The following ATP7A variants were observed in gnomAD, a reference collection of about 807,000 sequenced individuals.
The protein encoded by ATP7A is ATPase copper transporting alpha.
Under a neutral mutation model 83.5 loss-of-function variants are expected in ATP7A, and 7 were observed. The ratio of observed to expected loss-of-function variants is 0.08; its 90% CI spans 0.05 to 0.16. The LOEUF (loss-of-function observed/expected upper bound fraction) is 0.16, where lower values mean the gene tolerates loss of function less well. Among genes scored for constraint, ATP7A ranks in the 10% least tolerant of loss-of-function variants. The pLI, the probability that ATP7A is intolerant of heterozygous loss-of-function variation, is 1.00. For synonymous variants in ATP7A, 354 were observed against 395.2 expected (o/e 0.90, Z 1.24); for missense variants, 940 against 1,120.8 (o/e 0.84, Z 2.30).
In ATP7A at chrX:77,989,608, A is replaced by G; in HGVS notation, c.986A>G (p.Glu329Gly). 2.5e-6 allele frequency: 3 copies of G among 1,211,859 alleles called. No individual in the cohort carries two copies. The African/African-American group carries it at 5.2e-5, about 21-fold the overall frequency. Residue 329 changes from glutamate (E) to glycine (G), a missense_variant, in exon 4 of 23, where the codon GAA (glutamate) becomes GGA (glycine). By Grantham distance (98) the Glu-to-Gly change is moderately conservative. Around this residue, in one of 3 missense-constraint regions of ATP7A, gnomAD observed 350 missense variants for 432.8 expected, o/e 0.81. Coordinates refer to ENST00000341514, the MANE Select transcript of ATP7A (RefSeq NM_000052.7). ...VKYNASSVTPESLRKAIEAVS... is the reference protein window; with the variant it reads ...VKYNASSVTPGSLRKAIEAVS... ...TATAATGCAAGCTCAGTCACTCCAG[A>G]ATCCCTGAGAAAAGCAATAGAGGCT...
At chrX:77,951,020 C>T (rs1557226761) in intron 1 of ATP7A, among the ~76,000 whole-genome samples, 1 of 109,940 alleles carries the variant, frequency 9.1e-6, no homozygotes, top group African/African-American at 3.3e-5. Context: ...GACTCTGTCT[C>T]AAAAAAGAAA....
intron 1 of ATP7A, among the ~76,000 whole-genome samples, chrX:77,931,907 G>A (rs1266741656): frequency 1.2e-4 from 11 of 91,380 alleles, no homozygotes; most frequent in African/African-American, 1.7e-4. Flanking sequence ...GGGCAGAGGC[G>A]CCCCTCACCT....
chrX:78,004,514 C>T (rs1557233515), intron 6 of ATP7A, among the ~76,000 whole-genome samples: 4 of 107,340 alleles, frequency 3.7e-5, no homozygotes, highest in Admixed American at 9.9e-5. Context: ...TTTGGGAGGC[C>T]GAGGTGGGAG....
rs2078101980 is a variant in ATP7A at position 78,049,558 on chromosome X, T to C, written c.*2988T>C. 8.9e-6 allele frequency: 1 copy of C among 112,674 alleles called. No homozygotes were observed. Among genetic ancestry groups the C allele is most frequent in the Non-Finnish European group, 1.9e-5 (1 of 53,235 alleles). The allele number at this position is 112,674 out of a possible 1,213,427, so 9.3% of individuals were successfully genotyped here. On this transcript the variant is annotated 3_prime_UTR_variant, in exon 23 of 23. Coordinates refer to ENST00000341514, the MANE Select transcript of ATP7A (RefSeq NM_000052.7). ...CACAGCTAGAGTAGTAGTATTGTAG[T>C]CTCAAGATGTATGGTGTGTCATTTG... is the stretch of plus-strand genomic sequence containing the variant.
rs1158704711 is a variant in ATP7A at position 78,049,063 on chromosome X, T to C, written c.*2493T>C. The C allele has an allele frequency of 2.7e-5, 3 of 112,106 alleles. No homozygotes were observed. The highest frequency in any genetic ancestry group is 9.7e-5 in the African/African-American group (3 of 30,928). 9.2% of individuals were successfully genotyped at this position (112,106 alleles called of 1,213,427 possible). A position where few individuals can be genotyped will look rare whatever the true frequency, so the allele number is the denominator to read the frequency against. ...AGAAAAAGTCCTGCTTTAAGTAATA[T>C]GTAGCCACATTTGAATCCTCTACCA... On this transcript the variant is annotated 3_prime_UTR_variant, in exon 23 of 23. Coordinates refer to ENST00000341514, the MANE Select transcript of ATP7A (RefSeq NM_000052.7).
intron 1 of ATP7A, among the ~76,000 whole-genome samples, chrX:77,965,250 A>G (rs2077497611): frequency 8.9e-6 from 1 of 112,081 alleles, no homozygotes; most frequent in African/African-American, 3.2e-5. Flanking sequence ...TGGATAGGAG[A>G]AAGTATTTGA....
At chrX:77,956,779 CTTTCTTTCT>C (rs1224841881) in intron 1 of ATP7A, among the ~76,000 whole-genome samples, 3 of 97,587 alleles carry the variant, frequency 3.1e-5, no homozygotes, top group Non-Finnish European at 4.1e-5. Context: ...TTCTTTCTTT[CTTTCTTTCT>C]CTTTCTTTCT....
At chrX:77,956,726 C>CCTTTCTTTCTTTCCTT (rs2077443165) in intron 1 of ATP7A, among the ~76,000 whole-genome samples, 1 of 73,772 alleles carries the variant, frequency 1.4e-5, no homozygotes, top group African/African-American at 5.1e-5. Context: ...TACCCAGTCT[C>CCTTTCTTTCTTTCCTT]CTTTCTTTCT....
chrX:77,926,729 G>A (rs1295499797), intron 1 of ATP7A, among the ~76,000 whole-genome samples: 1 of 106,718 alleles, frequency 9.4e-6, no homozygotes, highest in East Asian at 2.9e-4. Context: ...TTGAGATGGA[G>A]TCTTGCTCTG....
At chrX:78,010,003 A>G (rs1253625360) in intron 7 of ATP7A, among the ~76,000 whole-genome samples, 2 of 112,765 alleles carry the variant, frequency 1.8e-5, no homozygotes, top group African/African-American at 6.4e-5. Flanking sequence ...AAGTGGTAAT[A>G]CATGTGAATG....
chrX:77,931,887 A>AG (rs1165541778), intron 1 of ATP7A, among the ~76,000 whole-genome samples: 5 of 77,760 alleles, frequency 6.4e-5, no homozygotes, highest in Non-Finnish European at 9.9e-5. Flanking sequence ...ACTTCCCAGT[A>AG]GGGGCGGCCG....
intron 2 of ATP7A, among the ~76,000 whole-genome samples, chrX:77,982,279 G>A (rs2077609284): frequency 8.9e-6 from 1 of 111,789 alleles, no homozygotes; most frequent in African/African-American, 3.2e-5. Context: ...ATGTTGAGTT[G>A]TTATATGAAA....
In ATP7A at chrX:78,011,791, C is replaced by G. The variant is rs782456456; in HGVS notation, c.2172+117C>G. ...TAGCTAGAAGTCTGATCATTTTATG[C>G]CATATGCTTTACAAAAATAATCTTC... On this transcript the variant is annotated intron_variant, in intron 9 of 22. Transcript: ENST00000341514. The G allele has an allele frequency of 2.2e-4, 157 of 702,882 alleles. No homozygotes were observed. Among genetic ancestry groups the G allele is most frequent in the Admixed American group, 1.1e-3 (49 of 44,739 alleles). 57.9% of individuals were successfully genotyped at this position (702,882 alleles called of 1,213,427 possible).
Position 78,011,205 on chromosome X carries a change from G to C in ATP7A, c.1899G>C (p.Lys633Asn), listed in dbSNP as rs2077822440. Reference protein sequence around the residue: ...ESLGFEASLVKKDRSASHLDH... With the variant: ...ESLGFEASLVNKDRSASHLDH... ...TAGGTTTTGAAGCTTCTTTGGTCAA[G>C]AAGGATCGGTCAGCAAGTCACTTAG... Residue 633 changes from lysine to asparagine, a missense_variant, in exon 8 of 23, where the codon AAG (lysine) becomes AAC (asparagine). Lys to Asn is a moderately conservative substitution (Grantham distance 94, BLOSUM62 0). Coordinates refer to ENST00000341514, the MANE Select transcript of ATP7A (RefSeq NM_000052.7). 8.3e-7 allele frequency: 1 copy of C among 1,208,813 alleles called. No individual in the cohort carries two copies. The highest frequency in any genetic ancestry group is 1.8e-5 in the African/African-American group (1 of 57,014).
intron 12 of ATP7A, among the ~76,000 whole-genome samples, chrX:78,018,323 G>T (rs1361140397): frequency 9.3e-6 from 1 of 107,872 alleles, no homozygotes; most frequent in Non-Finnish European, 1.9e-5. Flanking sequence ...TGACCAACAT[G>T]GTGAAACCCC....
chrX:78,015,179 T>C (rs2062496742), intron 11 of ATP7A, among the ~76,000 whole-genome samples: 1 of 112,271 alleles, frequency 8.9e-6, no homozygotes, highest in African/African-American at 3.2e-5. Flanking sequence ...GACTATCATA[T>C]GGCTTATGTT....
At chrX:78,024,409 T>C (rs1183548966) in intron 14 of ATP7A, among the ~76,000 whole-genome samples, 1 of 111,589 alleles carries the variant, frequency 9.0e-6, no homozygotes, top group Non-Finnish European at 1.9e-5. Flanking sequence ...GGGTTAGACA[T>C]GGAGAGAAGA....
Position 78,012,928 on chromosome X carries a change from A to G in ATP7A, c.2222A>G (p.His741Arg). ...ATTCAGGCTTATAAAGCACTGAAGC[A>G]TAAGACAGCAAATATGGACGTACTG... ...FYIQAYKALKHKTANMDVLIV... is the reference protein window; with the variant it reads ...FYIQAYKALKRKTANMDVLIV... The change falls in exon 10 of 23, where the codon CAT (histidine) becomes CGT (arginine). Residue 741 changes from histidine (H) to arginine (R), a missense_variant. Around this residue, in one of 3 missense-constraint regions of ATP7A, gnomAD observed 204 missense variants for 185.8 expected, o/e 1.10. Transcript: ENST00000341514. 8.3e-7 allele frequency: 1 copy of G among 1,211,973 alleles called. No homozygotes were observed. Among genetic ancestry groups the G allele is most frequent in the Non-Finnish European group, 1.1e-6 (1 of 895,578 alleles).
chrX:77,937,887 T>TCTCACA, intron 1 of ATP7A, among the ~76,000 whole-genome samples: 1 of 101,024 alleles, frequency 9.9e-6, no homozygotes, highest in Admixed American at 1.1e-4. Context: ...TCTCTCTCTC[T>TCTCACA]CACACACACA....
Sources: gnomAD v4.1 joint callset for allele counts (sites outside exome capture counted in the v4.1 genomes callset) on GRCh38, gnomAD v4.1.1 for gene constraint, gnomAD v4.1.1 regional missense constraint, MANE v1.5 for transcripts, NCBI Gene and HGNC (gene_info 2026-07-23, HGNC 2026-07-21) for gene names.